The following LRRC4C variants were observed in gnomAD, a reference collection of about 807,000 sequenced individuals.
The protein encoded by LRRC4C is leucine rich repeat containing 4C, also known as leucine-rich repeat-containing protein 4C.
Under a neutral mutation model 33.6 loss-of-function variants are expected in LRRC4C, and 5 were observed. The observed-to-expected ratio is 0.15, with a 90% CI of 0.08 to 0.31. LRRC4C has a LOEUF of 0.31. Ranked by LOEUF, LRRC4C falls within the 10% of genes least tolerant of loss-of-function variation. The pLI is 1.00. For missense variants in LRRC4C, 560 were observed against 796.7 expected (o/e 0.70, Z 3.58); for synonymous variants, 329 against 302.0 (o/e 1.09, Z -0.93).
chr11:41,177,383 A>G (rs1243961566), intron 1 of LRRC4C, among the ~76,000 whole-genome samples: 2 of 152,184 alleles, frequency 1.3e-5, no homozygotes, highest in Non-Finnish European at 2.9e-5. Context: ...CCTACTTATG[A>G]GTACTGAGAG....
Position 40,585,792 on chromosome 11 carries a change from G to A in LRRC4C, c.-270+62350C>T, listed in dbSNP as rs1330484238. On this transcript the variant is annotated intron_variant, in intron 3 of 6. Coordinates refer to ENST00000528697, the MANE Select transcript of LRRC4C (RefSeq NM_001258419.2). ...CCAATTTCATCCATGTCCCTACAAA[G>A]GATATGAACTCATCATTTTTTATGG... 4.4e-5 allele frequency among the ~76,000 whole-genome samples: 6 copies of A among 137,712 alleles called. No homozygotes were observed. The East Asian group carries it at 1.3e-3, about 29-fold the overall frequency. The allele number at this position is 137,712 out of a possible 152,430, so 90.3% of individuals were successfully genotyped here.
Position 40,467,156 on chromosome 11 carries a change from A to G in LRRC4C, c.-269-147435T>C, listed in dbSNP as rs554041317. On this transcript the variant is annotated intron_variant, in intron 3 of 6. Transcript: ENST00000528697. ...GAATTATGGACTCTTAGACTGCCTC[A>G]GTGAAGGTGAGTTGAGGTAGAGAGT... 9.9e-5 allele frequency among the ~76,000 whole-genome samples: 15 copies of G among 152,264 alleles called. No individual in the cohort carries two copies. In the South Asian group the frequency reaches 3.1e-3, roughly 32 times the overall value.
At chr11:40,958,440 G>A (rs983856692) in intron 1 of LRRC4C, among the ~76,000 whole-genome samples, 19 of 151,626 alleles carry the variant, frequency 1.3e-4, no homozygotes, top group African/African-American at 4.1e-4. Context: ...GACATACATT[G>A]ACAAATACTG....
At chr11:41,133,738 G>A (rs576555669) in intron 1 of LRRC4C, among the ~76,000 whole-genome samples, 1 of 152,052 alleles carries the variant, frequency 6.6e-6, no homozygotes, top group Non-Finnish European at 1.5e-5. Flanking sequence ...GCAAGAATTA[G>A]GTCACCCTTG....
At chr11:40,599,320 A>T (rs946659344) in intron 3 of LRRC4C, among the ~76,000 whole-genome samples, 2 of 151,948 alleles carry the variant, frequency 1.3e-5, no homozygotes, top group African/African-American at 4.8e-5. Context: ...GTTTCGTGGC[A>T]TGCATCTGTA....
chr11:40,500,816 C>T (rs1022133767), intron 3 of LRRC4C, among the ~76,000 whole-genome samples: 1 of 152,034 alleles, frequency 6.6e-6, no homozygotes, highest in African/African-American at 2.4e-5. Flanking sequence ...ATTTCAAAAC[C>T]AATCATGCCT....
intron 6 of LRRC4C, among the ~76,000 whole-genome samples, chr11:40,117,002 C>T (rs1439084516): frequency 2.0e-5 from 3 of 152,194 alleles, no homozygotes; most frequent in Non-Finnish European, 2.9e-5. Context: ...TGTAATCCTT[C>T]GTAATCCTTA....
intron 1 of LRRC4C, among the ~76,000 whole-genome samples, chr11:41,185,843 C>T (rs1227207918): frequency 6.6e-6 from 1 of 151,132 alleles, no homozygotes; most frequent in African/African-American, 2.4e-5. Context: ...CACAATTGTT[C>T]TATTATAGCA....
At chr11:40,231,655 T>G (rs996334488) in intron 5 of LRRC4C, among the ~76,000 whole-genome samples, 50 of 152,270 alleles carry the variant, frequency 3.3e-4, no homozygotes, top group African/African-American at 1.1e-3. Context: ...CATTTTAGAA[T>G]TAGACATATA....
At chr11:40,643,173 C>G (rs1942227047) in intron 3 of LRRC4C, among the ~76,000 whole-genome samples, 1 of 152,046 alleles carries the variant, frequency 6.6e-6, no homozygotes. Context: ...GCAATAGGTA[C>G]ATATATATAC....
At chr11:40,933,531 C>G (rs1009827109) in intron 2 of LRRC4C, 104 bp downstream of exon 2, 2 of 152,230 alleles carry the variant, frequency 1.3e-5, no homozygotes, top group African/African-American at 4.8e-5. Context: ...GCCACTCTCT[C>G]ATTGGGTGAT....
At chr11:41,339,919 G>A (rs895507884) in intron 1 of LRRC4C, among the ~76,000 whole-genome samples, 3 of 152,054 alleles carry the variant, frequency 2.0e-5, no homozygotes, top group African/African-American at 7.2e-5. Flanking sequence ...CCTCAGTGAA[G>A]GTCAAACAAA....
chr11:41,330,855 T>C (rs1292568877), intron 1 of LRRC4C, among the ~76,000 whole-genome samples: 4 of 152,152 alleles, frequency 2.6e-5, no homozygotes, highest in African/African-American at 9.7e-5. Context: ...AGTATATATA[T>C]ACATTAGTCT....
At chr11:40,625,205 T>C (rs1962812633) in intron 3 of LRRC4C, among the ~76,000 whole-genome samples, 1 of 152,178 alleles carries the variant, frequency 6.6e-6, no homozygotes, top group Non-Finnish European at 1.5e-5. Flanking sequence ...TTAATCACTG[T>C]TATACTCTAT....
intron 1 of LRRC4C, among the ~76,000 whole-genome samples, chr11:41,152,603 G>T (rs1263770542): frequency 1.3e-5 from 2 of 152,094 alleles, no homozygotes; most frequent in East Asian, 1.9e-4. Flanking sequence ...ATGTACATAT[G>T]GTAATTCACC....
At chr11:40,119,901 A>ACGTC (rs1419135263) in intron 6 of LRRC4C, among the ~76,000 whole-genome samples, 1 of 152,132 alleles carries the variant, frequency 6.6e-6, no homozygotes, top group African/African-American at 2.4e-5. Flanking sequence ...TAATCACCCC[A>ACGTC]CGTCCACTTA....
intron 1 of LRRC4C, among the ~76,000 whole-genome samples, chr11:40,991,348 T>G (rs1277489772): frequency 4.6e-5 from 7 of 152,058 alleles, no homozygotes. Context: ...TATATGATGT[T>G]ATAAAATCAG....
chr11:41,377,077 G>A (rs1052645574), intron 1 of LRRC4C, among the ~76,000 whole-genome samples: 3 of 152,114 alleles, frequency 2.0e-5, no homozygotes, highest in Non-Finnish European at 4.4e-5. Flanking sequence ...TATGATATAT[G>A]CAGTTATCCA....
chr11:41,290,074 C>A (rs1408895740), intron 1 of LRRC4C, among the ~76,000 whole-genome samples: 1 of 152,144 alleles, frequency 6.6e-6, no homozygotes, highest in African/African-American at 2.4e-5. Context: ...GTGTTTTCCA[C>A]ACACATTTTA....
Sources: gnomAD v4.1 joint callset for allele counts (sites outside exome capture counted in the v4.1 genomes callset) on GRCh38, gnomAD v4.1.1 for gene constraint, MANE v1.5 for transcripts, NCBI Gene and HGNC (gene_info 2026-07-23, HGNC 2026-07-21) for gene names.